The following MAST3 variants were observed in gnomAD, a reference collection of about 807,000 sequenced individuals.
MAST3 encodes the protein microtubule associated serine/threonine kinase 3.
A neutral mutation model predicts 127.0 loss-of-function variants in MAST3; 43 were observed. The observed-to-expected ratio is 0.34, with a 90% CI of 0.27 to 0.44. The LOEUF (loss-of-function observed/expected upper bound fraction) is 0.44, where lower values mean the gene tolerates loss of function less well. MAST3 is among the 20% of genes least tolerant of loss of function. The pLI is 1.00. For missense variants in MAST3, 1,390 were observed against 1,919.1 expected, an observed-to-expected ratio of 0.72 and a Z score of 5.15; for synonymous variants, 785 against 809.2, an observed-to-expected ratio of 0.97 and a Z score of 0.51.
Position 18,143,965 on chromosome 19 carries a change from C to T in MAST3, c.2542C>T (p.Pro848Ser). 1 of 1,594,104 alleles carries T rather than the reference C, an allele frequency of 6.3e-7. No individual in the cohort carries two copies. Among genetic ancestry groups the T allele is most frequent in the Non-Finnish European group, 8.5e-7 (1 of 1,170,460 alleles). ...CATTCTAGGGGAGCCTGACCCCCCA[C>T]CAGCGGCCACCCCAGTGATGCCCAA... ...VFILGEPDPP[P>S]AATPVMPKPS... Residue 848 changes from proline to serine, a missense_variant, in exon 22 of 28, where the codon CCA (proline) becomes TCA (serine). By Grantham distance (74) the Pro-to-Ser change is moderately conservative. Transcript: ENST00000687212.
chr19:18,142,979 G>A (rs534865009), intron 21 of MAST3, among the ~76,000 whole-genome samples: 2 of 151,752 alleles, frequency 1.3e-5, no homozygotes, highest in Admixed American at 6.6e-5. Flanking sequence ...GGGCATAGTG[G>A]TGCACGCCTG....
rs1441856820 is a variant in MAST3, at chr19:18,147,472, A to G, written c.3356A>G (p.Lys1119Arg). 2.5e-6 allele frequency: 4 copies of G among 1,613,350 alleles called. No individual in the cohort carries two copies. The highest frequency in any genetic ancestry group is 3.4e-6 in the Non-Finnish European group (4 of 1,179,716). Residue 1119 changes from lysine to arginine, a missense_variant, in exon 27 of 28, where the codon AAG becomes AGG. Coordinates refer to ENST00000687212, the MANE Select transcript of MAST3 (RefSeq NM_001393504.1). ...RRKSLFKKIS[K>R]QTSVLHTSRS... ...AAGTCACTTTTCAAGAAGATCTCCA[A>G]GCAGACCTCCGTGCTGCACACCAGC...
chr19:18,113,987 C>T (rs548369174), intron 3 of MAST3, among the ~76,000 whole-genome samples: 4 of 152,308 alleles, frequency 2.6e-5, no homozygotes, highest in Admixed American at 6.5e-5. Flanking sequence ...CAGGCTGGTC[C>T]AGCCTCAGGG....
At chr19:18,117,390 AC>A (rs777369344) in intron 3 of MAST3, among the ~76,000 whole-genome samples, 6 of 152,136 alleles carry the variant, frequency 3.9e-5, no homozygotes, top group Non-Finnish European at 8.8e-5. Flanking sequence ...CTGCTTCCTA[AC>A]TGAGGCAGGG....
At chr19:18,135,053 G>T in intron 17 of MAST3, 71 bp downstream of exon 17, 15 of 1,499,130 alleles carry the variant, frequency 1.0e-5, no homozygotes, top group Middle Eastern at 1.8e-4. Context: ...TCCTCCACCC[G>T]CATGTCAGGG....
chr19:18,126,229 G>A (rs1416700444), intron 11 of MAST3, among the ~76,000 whole-genome samples: 1 of 149,452 alleles, frequency 6.7e-6, no homozygotes, highest in African/African-American at 2.5e-5. Flanking sequence ...CTCAAAAAGA[G>A]AAAAAAAAAA....
At chr19:18,119,147 T>G (rs1465495896) in intron 3 of MAST3, among the ~76,000 whole-genome samples, 1 of 152,158 alleles carries the variant, frequency 6.6e-6, no homozygotes, top group Non-Finnish European at 1.5e-5. Flanking sequence ...CGGCCCTGCA[T>G]AGATGCTTGG....
intron 19 of MAST3, among the ~76,000 whole-genome samples, chr19:18,137,945 C>T (rs1285206014): frequency 6.6e-6 from 1 of 152,170 alleles, no homozygotes; most frequent in African/African-American, 2.4e-5. Context: ...TGGCTCAAGC[C>T]TTTAATCCCA....
chr19:18,108,391 G>A (rs117815964), intron 2 of MAST3, among the ~76,000 whole-genome samples: 3,630 of 150,364 alleles, frequency 0.024, 102 homozygotes, highest in Admixed American at 0.077. Flanking sequence ...TTTTTGAGAC[G>A]GGGTCCCTCT....
intron 14 of MAST3, among the ~76,000 whole-genome samples, chr19:18,131,272 G>A (rs373313195): frequency 1.3e-5 from 2 of 152,144 alleles, no homozygotes; most frequent in East Asian, 1.9e-4. Context: ...CCAGCTACTC[G>A]GGAGGCTGAA....
rs1281716799 is a variant in MAST3, at chr19:18,145,081, C to A, written c.2891C>A (p.Ser964Ter). 1.2e-6 allele frequency: 2 copies of A among 1,613,208 alleles called. No homozygotes were observed. The highest frequency in any genetic ancestry group is 1.7e-6 in the Non-Finnish European group (2 of 1,179,868). The change falls in exon 24 of 28, where the codon TCG becomes TAG. Residue 964 changes from serine (S) to a stop codon, truncating the protein, a stop_gained. Transcript: ENST00000687212. LOFTEE classifies it high-confidence loss of function. This position sits in a 1 kb window ranked among gnomAD's most constrained non-coding sequence, Gnocchi z 5.9. ...LSSNPSSRDS[S>*]PSRDPSPVCG... ...TCGAACCCGTCGTCCCGTGACTCTTCGCCGAGCCGAGACCCGTCCCCCGTG... is the reference window on the plus strand; with the variant it reads ...TCGAACCCGTCGTCCCGTGACTCTTAGCCGAGCCGAGACCCGTCCCCCGTG...
chr19:18,131,838 G>T lies in MAST3; in HGVS notation c.1433-71G>T, dbSNP rs1340031210. 2.7e-6 allele frequency: 4 copies of T among 1,500,996 alleles called. No homozygotes were observed. The Admixed American group carries it at 7.9e-5, about 30-fold the overall frequency. 93.0% of individuals were successfully genotyped at this position (1,500,996 alleles called of 1,614,324 possible). ...AAGCGAGGAGGATGCATAGGCATTG[G>T]GCATAACCTAAGGGGCGGGCGGGGG... On this transcript the variant is annotated intron_variant, in intron 14 of 27. Coordinates refer to ENST00000687212, the MANE Select transcript of MAST3 (RefSeq NM_001393504.1).
At chr19:18,107,776 C>G (rs1487471840) in intron 2 of MAST3, among the ~76,000 whole-genome samples, 158 bp downstream of exon 2, 3 of 152,154 alleles carry the variant, frequency 2.0e-5, no homozygotes, top group African/African-American at 7.2e-5. Flanking sequence ...TCACAAGCAC[C>G]TGGCCTCTCA....
In MAST3 at chr19:18,147,926, C is replaced by A. The variant is rs148997840; in HGVS notation, c.3508+302C>A. Among the ~76,000 whole-genome samples, 336 of 152,246 alleles carry A rather than the reference C, an allele frequency of 2.2e-3. 2 individuals are homozygous for A. Among genetic ancestry groups the A allele is most frequent in the Non-Finnish European group, 4.1e-3 (280 of 68,012 alleles). On this transcript the variant is annotated intron_variant, in intron 27 of 27. Transcript: ENST00000687212. ...ATCCCAACACTTTGGGAGCCCGAGGCAGGAGGATCACTGAGCCCAGGAGTT... is the reference window on the plus strand; with the variant it reads ...ATCCCAACACTTTGGGAGCCCGAGGAAGGAGGATCACTGAGCCCAGGAGTT...
At chr19:18,141,157 C>G (rs1455283306) in intron 20 of MAST3, among the ~76,000 whole-genome samples, 1 of 151,932 alleles carries the variant, frequency 6.6e-6, no homozygotes, top group Non-Finnish European at 1.5e-5. Flanking sequence ...ATGATCTGAT[C>G]AAAAAATGCT....
chr19:18,109,368 C>T (rs533577948), intron 2 of MAST3, among the ~76,000 whole-genome samples: 1 of 152,062 alleles, frequency 6.6e-6, no homozygotes. Flanking sequence ...TGGGACATTG[C>T]CCCGAGAGCC....
At chr19:18,124,928 GA>G (rs1329292542) in intron 11 of MAST3, among the ~76,000 whole-genome samples, 154 bp downstream of exon 11, 2 of 62,414 alleles carry the variant, frequency 3.2e-5, no homozygotes, top group Non-Finnish European at 5.6e-5. Flanking sequence ...CAACATGGTG[GA>G]AACCCCCCCC....
Position 18,123,208 on chromosome 19 carries a change from C to T in MAST3, c.400-9C>T. 1 of 1,613,394 alleles carries T rather than the reference C, an allele frequency of 6.2e-7. No individual in the cohort carries two copies. The highest frequency in any genetic ancestry group is 1.1e-5 in the South Asian group (1 of 91,074). On this transcript the variant is annotated splice_polypyrimidine_tract_variant and intron_variant, in intron 6 of 27. Coordinates refer to ENST00000687212, the MANE Select transcript of MAST3 (RefSeq NM_001393504.1). ...ACTCATGGCTCTGATCCCCACCACT[C>T]TCTACCAGTCAAGCTCATCCTCCCG...
intron 3 of MAST3, among the ~76,000 whole-genome samples, chr19:18,118,415 C>T (rs2039564284): frequency 1.3e-5 from 2 of 152,128 alleles, no homozygotes; most frequent in African/African-American, 2.4e-5. Context: ...CCCCTGGGGT[C>T]CCTGGCACCC....
Sources: allele counts gnomAD v4.1 joint callset (sites outside exome capture counted in the v4.1 genomes callset), GRCh38; gene constraint gnomAD v4.1.1; non-coding constraint Gnocchi (gnomAD v3.1); transcripts MANE v1.5; gene names NCBI Gene and HGNC (gene_info 2026-07-23, HGNC 2026-07-21).